Variants in FOXK1 observed in about 807,000 individuals in gnomAD.
The protein encoded by FOXK1 is forkhead box protein K1.
FOXK1 carries 19 observed loss-of-function variants against 51.9 expected under a neutral mutation model. The observed-to-expected ratio is 0.37, with a 90% CI of 0.26 to 0.54. FOXK1 has a LOEUF of 0.54. Ranked by LOEUF, FOXK1 falls within the 20% of genes least tolerant of loss-of-function variation. The pLI is 0.87. For missense variants in FOXK1, 870 were observed against 1,032.7 expected (o/e 0.84, Z 2.16); for synonymous variants, 537 against 482.6 (o/e 1.11, Z -1.48).
intron 1 of FOXK1, among the ~76,000 whole-genome samples, chr7:4,702,012 C>G (rs1275879930): frequency 6.6e-6 from 1 of 152,118 alleles, no homozygotes; most frequent in Non-Finnish European, 1.5e-5. Flanking sequence ...GAGGTTGAGG[C>G]TGCGGTGAGC....
At chr7:4,744,799 G>A (rs1780680602) in intron 2 of FOXK1, among the ~76,000 whole-genome samples, 1 of 152,246 alleles carries the variant, frequency 6.6e-6, no homozygotes, top group African/African-American at 2.4e-5. Flanking sequence ...GCCCAGTCCT[G>A]TTCTTTGAAA....
rs1388419084 is a variant in FOXK1, at chr7:4,703,850, A to G, written c.560+20982A>G. On this transcript the variant is annotated intron_variant, in intron 1 of 8. Coordinates refer to ENST00000328914, the MANE Select transcript of FOXK1 (RefSeq NM_001037165.2). The surrounding 1 kb of genome is among the most constrained non-coding windows in gnomAD (Gnocchi z 5.6). ...CCCTAACCATGATTTAATCTGGGGAAGGGAGAAAAGTAACATATGGCAGTC... is the reference window on the plus strand; with the variant it reads ...CCCTAACCATGATTTAATCTGGGGAGGGGAGAAAAGTAACATATGGCAGTC... Among the ~76,000 whole-genome samples, 2 of 152,182 alleles carry G rather than the reference A, an allele frequency of 1.3e-5. No homozygotes were observed. Among genetic ancestry groups the G allele is most frequent in the East Asian group, 3.9e-4 (2 of 5,186 alleles).
At chr7:4,738,982 G>A (rs1780594053) in intron 1 of FOXK1, among the ~76,000 whole-genome samples, 2 of 152,194 alleles carry the variant, frequency 1.3e-5, no homozygotes, top group Non-Finnish European at 2.9e-5. Context: ...CCTGCCGACA[G>A]CCAGGCACCC....
chr7:4,701,889 C>T (rs1177780587), intron 1 of FOXK1, among the ~76,000 whole-genome samples: 2 of 152,102 alleles, frequency 1.3e-5, no homozygotes, highest in Admixed American at 6.6e-5. Context: ...GAGACTCCGT[C>T]TCAAAAAATA....
In FOXK1 at chr7:4,743,386, C is replaced by T. The variant is rs945083467; in HGVS notation, c.746+2363C>T. 6.6e-6 allele frequency among the ~76,000 whole-genome samples: 1 copy of T among 152,110 alleles called. No homozygotes were observed. Among genetic ancestry groups the T allele is most frequent in the Non-Finnish European group, 1.5e-5 (1 of 68,034 alleles). On this transcript the variant is annotated intron_variant, in intron 2 of 8. Coordinates refer to ENST00000328914, the MANE Select transcript of FOXK1 (RefSeq NM_001037165.2). This position sits in a 1 kb window ranked among gnomAD's most constrained non-coding sequence, Gnocchi z 5.3. ...GCAACATGGTGAAACCCCGTCTCTACTAAAAATACAAAAATCAGCCAGGCA... is the reference window on the plus strand; with the variant it reads ...GCAACATGGTGAAACCCCGTCTCTATTAAAAATACAAAAATCAGCCAGGCA...
rs953034120 is a variant in FOXK1 at position 4,709,492 on chromosome 7, C to G, written c.560+26624C>G. Among the ~76,000 whole-genome samples, 1 of 152,066 alleles carries G rather than the reference C, an allele frequency of 6.6e-6. No homozygotes were observed. Among genetic ancestry groups the G allele is most frequent in the East Asian group, 1.9e-4 (1 of 5,190 alleles). Reference sequence around the variant, plus strand: ...TCGAGGCTGGCCCACCCCTGCTGGCCCGCGACCCCTGCTGGCAGATCGAGG... The same window carrying G: ...TCGAGGCTGGCCCACCCCTGCTGGCGCGCGACCCCTGCTGGCAGATCGAGG... On this transcript the variant is annotated intron_variant, in intron 1 of 8. Coordinates refer to ENST00000328914, the MANE Select transcript of FOXK1 (RefSeq NM_001037165.2). The surrounding 1 kb of genome is among the most constrained non-coding windows in gnomAD (Gnocchi z 5.6).
In FOXK1 at chr7:4,748,348, T is replaced by C. The variant is rs1780732581; in HGVS notation, c.747-6111T>C. Among the ~76,000 whole-genome samples the C allele has an allele frequency of 6.6e-6, 1 of 152,140 alleles. No homozygotes were observed. Among genetic ancestry groups the C allele is most frequent in the South Asian group, 2.1e-4 (1 of 4,828 alleles). ...AAGGATTTAGCTTCCCCCCTCCCCA[T>C]CCCAGTAAAGTTACATCATCATGTC... On this transcript the variant is annotated intron_variant, in intron 2 of 8. Transcript: ENST00000328914. The surrounding 1 kb of genome is among the most constrained non-coding windows in gnomAD (Gnocchi z 4.9).
rs59200954 is a variant in FOXK1, at chr7:4,757,634, C to CAA, written c.1244+476_1244+477dup. ...GGGCGACAAGAGCAAAACTCCGTCTCAAAAAAAAAAAAAAAAAAAAAAAAA... is the reference window on the plus strand; with the variant it reads ...GGGCGACAAGAGCAAAACTCCGTCTCAAAAAAAAAAAAAAAAAAAAAAAAAAA... On this transcript the variant is annotated intron_variant, in intron 5 of 8. Transcript: ENST00000328914. Among the ~76,000 whole-genome samples the CAA allele has an allele frequency of 5.3e-3, 107 of 20,186 alleles. 7 individuals are homozygous for CAA. The highest frequency in any genetic ancestry group is 0.022 in the South Asian group (5 of 230). The allele number at this position is 20,186 out of a possible 152,430, so 13.2% of individuals were successfully genotyped here.
At chr7:4,690,869 C>T (rs768551446) in intron 1 of FOXK1, among the ~76,000 whole-genome samples, 1 of 152,148 alleles carries the variant, frequency 6.6e-6, no homozygotes, top group Non-Finnish European at 1.5e-5. Flanking sequence ...AATGACAACT[C>T]AAATTGCAGC....
rs1780947865 is a variant in FOXK1, at chr7:4,762,465, G to C, written c.*1G>C. The C allele has an allele frequency of 6.5e-7, 1 of 1,540,304 alleles. No homozygotes were observed. The highest frequency in any genetic ancestry group is 1.4e-5 in the African/African-American group (1 of 72,888). On this transcript the variant is annotated 3_prime_UTR_variant, in exon 9 of 9. Transcript: ENST00000328914. This position sits in a 1 kb window ranked among gnomAD's most constrained non-coding sequence, Gnocchi z 5.7. ...CCAGGGGCCAGGCACCGGGGAGTGA[G>C]GTCACCTGCAACGCGGGGGAGTGGG...
chr7:4,714,353 A>T (rs749443747), intron 1 of FOXK1, among the ~76,000 whole-genome samples: 1 of 152,032 alleles, frequency 6.6e-6, no homozygotes, highest in Non-Finnish European at 1.5e-5. Flanking sequence ...ATCTCAGCTC[A>T]CTGCAGCCTC....
chr7:4,750,402 C>T (rs572770850), intron 2 of FOXK1, among the ~76,000 whole-genome samples: 3 of 151,870 alleles, frequency 2.0e-5, no homozygotes, highest in South Asian at 2.1e-4. Context: ...TTCTCATTCC[C>T]GCAGGAGGAA....
chr7:4,746,754 C>T (rs1017958506), intron 2 of FOXK1, among the ~76,000 whole-genome samples: 1 of 152,210 alleles, frequency 6.6e-6, no homozygotes, highest in African/African-American at 2.4e-5. Flanking sequence ...AGCAGGGCTG[C>T]AGGAGGATTG....
intron 1 of FOXK1, among the ~76,000 whole-genome samples, chr7:4,700,019 C>T (rs978982165): frequency 3.3e-5 from 5 of 152,268 alleles, no homozygotes; most frequent in Admixed American, 6.5e-5. Flanking sequence ...TGGAAAGAAA[C>T]GCCTGTGAAG....
intron 1 of FOXK1, among the ~76,000 whole-genome samples, chr7:4,728,877 A>T (rs1160786255): frequency 6.6e-6 from 1 of 152,240 alleles, no homozygotes; most frequent in Non-Finnish European, 1.5e-5. Flanking sequence ...GTCTATGCAG[A>T]TAAACCAGCG....
chr7:4,753,488 G>C lies in FOXK1; in HGVS notation c.747-971G>C, dbSNP rs1340259722. Among the ~76,000 whole-genome samples, 1 of 152,074 alleles carries C rather than the reference G, an allele frequency of 6.6e-6. No individual in the cohort carries two copies. The highest frequency in any genetic ancestry group is 1.5e-5 in the Non-Finnish European group (1 of 68,020). The stretch of plus-strand genomic sequence containing the variant: ...GCAGGGAGCATCCTACCCGCCACGG[G>C]GGCTCTAAGTCAGCTGAGAGGGGGG... On this transcript the variant is annotated intron_variant, in intron 2 of 8. Transcript: ENST00000328914. The surrounding 1 kb of genome is among the most constrained non-coding windows in gnomAD (Gnocchi z 4.9).
chr7:4,713,250 G>C (rs540673622), intron 1 of FOXK1, among the ~76,000 whole-genome samples: 1 of 152,260 alleles, frequency 6.6e-6, no homozygotes. Flanking sequence ...TTTCTTTTCT[G>C]TACTGATCGT....
chr7:4,761,892 G>C lies in FOXK1; in HGVS notation c.1922-292G>C, dbSNP rs1260318399. Among the ~76,000 whole-genome samples the C allele has an allele frequency of 6.6e-6, 1 of 152,014 alleles. No individual in the cohort carries two copies. Among genetic ancestry groups the C allele is most frequent in the Non-Finnish European group, 1.5e-5 (1 of 67,992 alleles). On this transcript the variant is annotated intron_variant, in intron 8 of 8. Transcript: ENST00000328914. The surrounding 1 kb of genome is among the most constrained non-coding windows in gnomAD (Gnocchi z 6.2). The stretch of plus-strand genomic sequence containing the variant: ...GCGCATTGTCAGTGGGGTGGCTCAG[G>C]GCAGTGCATCTGTGTAAAGGAGTGA...
At position 4,709,554 on chromosome 7, in the gene FOXK1, A is replaced by C. The variant is rs1780148463; in HGVS notation, c.560+26686A>C. Among the ~76,000 whole-genome samples, 1 of 152,154 alleles carries C rather than the reference A, an allele frequency of 6.6e-6. No individual in the cohort carries two copies. Among genetic ancestry groups the C allele is most frequent in the African/African-American group, 2.4e-5 (1 of 41,428 alleles). ...CCGGGGCAGGCGGACCTTCTCCGGG[A>C]GCCCTGTGCACAGTTGGCTTCGCAG... On this transcript the variant is annotated intron_variant, in intron 1 of 8. Coordinates refer to ENST00000328914, the MANE Select transcript of FOXK1 (RefSeq NM_001037165.2). The surrounding 1 kb of genome is among the most constrained non-coding windows in gnomAD (Gnocchi z 5.6).
Sources: allele counts gnomAD v4.1 joint callset (sites outside exome capture counted in the v4.1 genomes callset), GRCh38; gene constraint gnomAD v4.1.1; non-coding constraint Gnocchi (gnomAD v3.1); transcripts MANE v1.5; gene names NCBI Gene and HGNC (gene_info 2026-07-23, HGNC 2026-07-21).